Variants in NAALADL2 observed in about 807,000 individuals in gnomAD.
NAALADL2 encodes inactive N-acetylated-alpha-linked acidic dipeptidase-like protein 2.
A neutral mutation model predicts 87.2 loss-of-function variants in NAALADL2; 76 were observed. That is an observed-to-expected ratio of 0.87 (90% CI 0.72 to 1.05). NAALADL2 has a LOEUF of 1.05. Among genes scored for constraint, NAALADL2 ranks in the 50% least tolerant of loss-of-function variants. NAALADL2 has a pLI of 0.00. For missense variants in NAALADL2, 1,089 were observed against 945.8 expected (o/e 1.15, Z -1.99); for synonymous variants, 354 against 331.0 (o/e 1.07, Z -0.75).
chr3:174,742,765 CT>C (rs1366879878), intron 3 of NAALADL2, among the ~76,000 whole-genome samples: 1 of 151,224 alleles, frequency 6.6e-6, no homozygotes, highest in African/African-American at 2.4e-5. Context: ...GTATTTAAAA[CT>C]TTTATTAGAT....
chr3:175,755,091 G>C (rs1747086092), intron 12 of NAALADL2, 129 bp from the exon 13 acceptor site: 1 of 706,318 alleles, frequency 1.4e-6, no homozygotes, highest in Non-Finnish European at 2.3e-6. Flanking sequence ...AGAGAGAACT[G>C]TCAATGACAA....
intron 6 of NAALADL2, among the ~76,000 whole-genome samples, chr3:175,456,478 C>A (rs765925546): frequency 6.6e-6 from 1 of 152,024 alleles, no homozygotes; most frequent in Non-Finnish European, 1.5e-5. Flanking sequence ...CACACACACA[C>A]GCAGCAATTT....
At chr3:174,680,671 C>A (rs899409757) in intron 2 of NAALADL2, among the ~76,000 whole-genome samples, 1 of 152,138 alleles carries the variant, frequency 6.6e-6, no homozygotes, top group South Asian at 2.1e-4. Flanking sequence ...CAAACTACGA[C>A]AGTCTTTGCT....
chr3:174,760,773 G>C (rs1196422310), intron 3 of NAALADL2, among the ~76,000 whole-genome samples: 1 of 152,194 alleles, frequency 6.6e-6, no homozygotes, highest in African/African-American at 2.4e-5. Flanking sequence ...ATTCATTTCT[G>C]TCTGAGAAGA....
At chr3:174,754,670 A>C (rs1466151641) in intron 3 of NAALADL2, among the ~76,000 whole-genome samples, 5 of 151,986 alleles carry the variant, frequency 3.3e-5, no homozygotes, top group Non-Finnish European at 7.4e-5. Flanking sequence ...GAGAATTTTG[A>C]TTTGCTTGCT....
At chr3:174,719,116 C>T (rs1174060969) in intron 2 of NAALADL2, among the ~76,000 whole-genome samples, 2 of 152,130 alleles carry the variant, frequency 1.3e-5, no homozygotes, top group African/African-American at 4.8e-5. Flanking sequence ...GCTTCATTTG[C>T]TCTAACATCC....
intron 3 of NAALADL2, among the ~76,000 whole-genome samples, chr3:175,239,504 T>C (rs1746469285): frequency 6.6e-6 from 1 of 152,218 alleles, no homozygotes; most frequent in African/African-American, 2.4e-5. Context: ...TGCTATACAT[T>C]GGTCAGATTG....
chr3:175,080,266 C>A (rs4452337), intron 1 of NAALADL2, among the ~76,000 whole-genome samples: 77,108 of 152,064 alleles, frequency 0.51, 20,774 homozygotes, highest in African/African-American at 0.71. Flanking sequence ...GCCCGGCGAA[C>A]TATAGACTAT....
chr3:175,263,372 C>G (rs972875489), intron 4 of NAALADL2, among the ~76,000 whole-genome samples: 2 of 151,848 alleles, frequency 1.3e-5, no homozygotes, highest in African/African-American at 2.4e-5. Flanking sequence ...GTTTCAACTT[C>G]TATTCCTGTT....
At chr3:174,672,259 TA>T (rs1365201852) in intron 2 of NAALADL2, among the ~76,000 whole-genome samples, 1 of 152,058 alleles carries the variant, frequency 6.6e-6, no homozygotes, top group Non-Finnish European at 1.5e-5. Context: ...TTTATTTTTG[TA>T]AAAAGTTTAA....
At chr3:175,383,799 T>A (rs933553580) in intron 5 of NAALADL2, among the ~76,000 whole-genome samples, 1 of 152,050 alleles carries the variant, frequency 6.6e-6, no homozygotes, top group Non-Finnish European at 1.5e-5. Context: ...TACTCTTTAA[T>A]GAACAGAGAG....
chr3:174,872,733 T>TACAAACACACACACACACAC (rs1727992188), intron 1 of NAALADL2, among the ~76,000 whole-genome samples: 4 of 148,434 alleles, frequency 2.7e-5, no homozygotes, highest in Non-Finnish European at 6.0e-5. Context: ...CACACACACA[T>TACAAACACACACACACACAC]ACACACACAC....
chr3:175,521,435 T>A (rs1448608318), intron 9 of NAALADL2, among the ~76,000 whole-genome samples: 3 of 152,112 alleles, frequency 2.0e-5, no homozygotes, highest in African/African-American at 7.2e-5. Context: ...AAGCACAATA[T>A]TCTGCTTTCG....
At chr3:174,496,042 C>G (rs1306215760) in intron 1 of NAALADL2, among the ~76,000 whole-genome samples, 1 of 152,118 alleles carries the variant, frequency 6.6e-6, no homozygotes, top group Admixed American at 6.6e-5. Context: ...TCTTGAACTT[C>G]AGCACAGCTG....
In NAALADL2 at chr3:175,677,629, T is replaced by C. The variant is rs371292488; in HGVS notation, c.1896+50243T>C. On this transcript the variant is annotated intron_variant, in intron 11 of 13. Coordinates refer to ENST00000454872, the MANE Select transcript of NAALADL2 (RefSeq NM_207015.3). The stretch of plus-strand genomic sequence containing the variant: ...CATCTTTTCAACCCCCTCCAGGGAC[T>C]CCTTCATCTAATTCTCTAGGAACTG... Among the ~76,000 whole-genome samples, 27 of 152,072 alleles carry C rather than the reference T, an allele frequency of 1.8e-4. No homozygotes were observed. The East Asian group carries it at 4.3e-3, about 24-fold the overall frequency.
intron 1 of NAALADL2, among the ~76,000 whole-genome samples, chr3:174,860,068 C>T (rs918522146): frequency 1.3e-5 from 2 of 151,958 alleles, no homozygotes; most frequent in African/African-American, 4.8e-5. Flanking sequence ...GAGGCTTGTT[C>T]ACCGAAACAA....
At chr3:175,340,950 T>A (rs1581492743) in intron 5 of NAALADL2, among the ~76,000 whole-genome samples, 1 of 151,872 alleles carries the variant, frequency 6.6e-6, no homozygotes, top group African/African-American at 2.4e-5. Flanking sequence ...GGTGGACATC[T>A]TCCTTAGCCT....
At chr3:175,609,481 C>T (rs1724285460) in intron 10 of NAALADL2, 1 of 151,858 alleles carries the variant, frequency 6.6e-6, no homozygotes, top group Non-Finnish European at 1.5e-5. Flanking sequence ...TTGTAGTTAG[C>T]TTTGTGCAGT....
In NAALADL2 at chr3:175,328,604, T is replaced by C. The variant is rs188052498; in HGVS notation, c.1090+4279T>C. On this transcript the variant is annotated intron_variant, in intron 5 of 13. Transcript: ENST00000454872. ...CTGATTTCCCAGGACCATATATTTC[T>C]GGAATTCTAAGAGACTTTAGTGCTT... is the stretch of plus-strand genomic sequence containing the variant. 9.9e-5 allele frequency among the ~76,000 whole-genome samples: 15 copies of C among 152,276 alleles called. No individual in the cohort carries two copies. The East Asian group carries it at 2.7e-3, about 27-fold the overall frequency.
Sources: gnomAD v4.1 joint callset for allele counts (sites outside exome capture counted in the v4.1 genomes callset) on GRCh38, gnomAD v4.1.1 for gene constraint, MANE v1.5 for transcripts, NCBI Gene and HGNC (gene_info 2026-07-23, HGNC 2026-07-21) for gene names.